The following PCTP variants were observed in gnomAD, a reference collection of about 807,000 sequenced individuals.
PCTP encodes phosphatidylcholine transfer protein, also known as START domain-containing protein 2.
PCTP carries 27 observed loss-of-function variants against 31.0 expected under a neutral mutation model. That is an observed-to-expected ratio of 0.87 (90% CI 0.64 to 1.20). The LOEUF is 1.20. Ranked by LOEUF, PCTP falls within the 50% of genes most tolerant of loss-of-function variation. PCTP has a pLI of 0.00. For missense variants in PCTP, 287 were observed against 268.2 expected (o/e 1.07, Z -0.49); for synonymous variants, 108 against 101.2 (o/e 1.07, Z -0.40).
At chr17:55,839,627 TAAAC>T (rs1271032504) in intron 5 of PCTP, among the ~76,000 whole-genome samples, 21 of 152,094 alleles carry the variant, frequency 1.4e-4, no homozygotes, top group Admixed American at 1.1e-3. Context: ...GGTTTGGTGA[TAAAC>T]AACAACTGGC....
At chr17:55,759,477 C>T (rs1443390554) in intron 1 of PCTP, among the ~76,000 whole-genome samples, 1 of 152,212 alleles carries the variant, frequency 6.6e-6, no homozygotes, top group African/African-American at 2.4e-5. Flanking sequence ...GCTTTGACTT[C>T]TGCCATTAGA....
intron 3 of PCTP, among the ~76,000 whole-genome samples, chr17:55,812,783 T>C (rs1912793837): frequency 6.6e-6 from 1 of 152,168 alleles, no homozygotes; most frequent in South Asian, 2.1e-4. Context: ...CACCCCATCT[T>C]ATTGGGAGTA....
At chr17:55,827,325 C>T (rs1905432898), downstream of PCTP, among the ~76,000 whole-genome samples, 1 of 152,162 alleles carries the variant, frequency 6.6e-6, no homozygotes, top group Admixed American at 6.5e-5. Flanking sequence ...TCAAGACACC[C>T]CAGCCAACCA....
chr17:55,776,501 A>G lies in PCTP; in HGVS notation c.*401A>G, dbSNP rs1325853252. 8.1e-7 allele frequency: 1 copy of G among 1,232,114 alleles called. No homozygotes were observed. Among genetic ancestry groups the G allele is most frequent in the Non-Finnish European group, 1.0e-6 (1 of 988,292 alleles). The allele number at this position is 1,232,114 out of a possible 1,614,324, so 76.3% of individuals were successfully genotyped here. A position where few individuals can be genotyped will look rare whatever the true frequency, so the allele number is the denominator to read the frequency against. On this transcript the variant is annotated 3_prime_UTR_variant, in exon 6 of 6. Coordinates refer to ENST00000268896, the MANE Select transcript of PCTP (RefSeq NM_021213.4). ...CGGAGGGACACAACAAAATTTAAGAATGACTATTTGGGCGGGCTGGCTCTT... is the reference window on the plus strand; with the variant it reads ...CGGAGGGACACAACAAAATTTAAGAGTGACTATTTGGGCGGGCTGGCTCTT...
chr17:55,765,903 G>C (rs1168491965), intron 1 of PCTP, among the ~76,000 whole-genome samples: 1 of 152,138 alleles, frequency 6.6e-6, no homozygotes, highest in Non-Finnish European at 1.5e-5. Context: ...ACCAATCTGA[G>C]GACCTTCCTT....
intron 3 of PCTP, among the ~76,000 whole-genome samples, chr17:55,772,013 A>C (rs552613694): frequency 1.3e-5 from 2 of 152,234 alleles, no homozygotes; most frequent in Non-Finnish European, 2.9e-5. Context: ...TGAACTGCCA[A>C]CACTTCAAAG....
intron 5 of PCTP, 163 bp from the exon 6 acceptor site, chr17:55,775,872 C>T: frequency 2.2e-6 from 3 of 1,389,658 alleles, no homozygotes; most frequent in Non-Finnish European, 2.8e-6. Flanking sequence ...CTCAGTCCTA[C>T]TTTTTGTCAT....
At chr17:55,790,002 T>C (rs1329777410) in intron 3 of PCTP, among the ~76,000 whole-genome samples, 1 of 152,058 alleles carries the variant, frequency 6.6e-6, no homozygotes, top group Non-Finnish European at 1.5e-5. Context: ...GTTCAATATA[T>C]GAAAATCAAT....
At chr17:55,841,464 T>G (rs1418114040) in intron 5 of PCTP, among the ~76,000 whole-genome samples, 1 of 152,236 alleles carries the variant, frequency 6.6e-6, no homozygotes, top group Non-Finnish European at 1.5e-5. Flanking sequence ...CAGATTATAT[T>G]TTTACTGACT....
intron 2 of PCTP, among the ~76,000 whole-genome samples, chr17:55,783,459 A>G (rs12937728): frequency 0.07 from 10,727 of 152,228 alleles, 514 homozygotes; most frequent in Middle Eastern, 0.15. Context: ...TCTCTAATCT[A>G]TCTTATCCAA....
At chr17:55,761,610 T>A (rs1362018397) in intron 1 of PCTP, among the ~76,000 whole-genome samples, 1 of 148,202 alleles carries the variant, frequency 6.7e-6, no homozygotes, top group Non-Finnish European at 1.5e-5. Context: ...TATATTTATG[T>A]AGAATAATAT....
Position 55,836,521 on chromosome 17 carries a change from C to A in PCTP, n.506-6206C>A, listed in dbSNP as rs151266931. On this transcript the variant is annotated intron_variant and non_coding_transcript_variant, in intron 5 of 5. Transcript: ENST00000576221. ...GCACTTTCCTTCAATGGCCACCTAA[C>A]GCATATTCTTTGCAGAACTGGGAGA... 1.9e-3 allele frequency among the ~76,000 whole-genome samples: 293 copies of A among 152,280 alleles called. 1 individual carries two copies. The highest frequency in any genetic ancestry group is 6.8e-3 in the African/African-American group (283 of 41,554).
At chr17:55,774,954 A>G in intron 5 of PCTP, 95 bp downstream of exon 5, 1 of 1,339,470 alleles carries the variant, frequency 7.5e-7, no homozygotes, top group South Asian at 1.2e-5. Flanking sequence ...GAAGAGACAC[A>G]TTGTCTCAGG....
At chr17:55,777,725 C>T (rs1409585341), downstream of PCTP, among the ~76,000 whole-genome samples, 1 of 152,152 alleles carries the variant, frequency 6.6e-6, no homozygotes, top group East Asian at 1.9e-4. Flanking sequence ...CTTAGAGCAC[C>T]TCTAAAACAT....
the PCTP span, among the ~76,000 whole-genome samples, chr17:55,848,067 T>C: frequency 6.6e-6 from 1 of 151,998 alleles, no homozygotes; most frequent in Non-Finnish European, 1.5e-5. Flanking sequence ...GGACTACAGG[T>C]GCATGCCACC....
chr17:55,808,591 A>G (rs919221623), intron 3 of PCTP, among the ~76,000 whole-genome samples: 1 of 152,220 alleles, frequency 6.6e-6, no homozygotes, highest in African/African-American at 2.4e-5. Context: ...CAAGGGTCAC[A>G]TCAACCCAAA....
chr17:55,764,118 G>A (rs1404449305), intron 1 of PCTP, among the ~76,000 whole-genome samples: 1 of 152,180 alleles, frequency 6.6e-6, no homozygotes, highest in East Asian at 1.9e-4. Flanking sequence ...AAGTCACTAT[G>A]GGTTGTAACT....
intron 3 of PCTP, among the ~76,000 whole-genome samples, chr17:55,796,447 A>G (rs1912190817): frequency 6.6e-6 from 1 of 151,964 alleles, no homozygotes; most frequent in South Asian, 2.1e-4. Flanking sequence ...TGTTTTGAGA[A>G]CGATTTTAAA....
At chr17:55,839,552 C>G (rs187217890) in intron 5 of PCTP, among the ~76,000 whole-genome samples, 237 of 152,282 alleles carry the variant, frequency 1.6e-3, no homozygotes, top group Middle Eastern at 3.4e-3. Context: ...TTCTAATGAC[C>G]ACCCAGGGTG....
Sources: allele counts gnomAD v4.1 joint callset (sites outside exome capture counted in the v4.1 genomes callset), GRCh38; gene constraint gnomAD v4.1.1; transcripts MANE v1.5; gene names NCBI Gene and HGNC (gene_info 2026-07-23, HGNC 2026-07-21).